The following FAM135B variants were observed in gnomAD, a reference collection of about 807,000 sequenced individuals.
FAM135B encodes family with sequence similarity 135 member B, also known as protein FAM135B.
FAM135B carries 43 observed loss-of-function variants against 127.7 expected under a neutral mutation model. The observed-to-expected ratio is 0.34, with a 90% CI of 0.26 to 0.43. FAM135B has a LOEUF of 0.43. Ranked by LOEUF, FAM135B falls within the 20% of genes least tolerant of loss-of-function variation. The probability of loss-of-function intolerance (pLI) is 1.00; values close to 1 mark genes in which losing one functional copy is unlikely to be tolerated. For missense variants in FAM135B, 1,558 were observed against 1,725.6 expected, an observed-to-expected ratio of 0.90 and a Z score of 1.72; for synonymous variants, 670 against 665.1, an observed-to-expected ratio of 1.01 and a Z score of -0.11.
At chr8:138,208,831 A>G (rs114892876) in intron 7 of FAM135B, among the ~76,000 whole-genome samples, 2,091 of 152,332 alleles carry the variant, frequency 0.014, 46 homozygotes, top group African/African-American at 0.048. Context: ...CTAGTAAATT[A>G]GTCAATTCTT....
At chr8:138,472,375 A>C (rs559751004) in intron 1 of FAM135B, among the ~76,000 whole-genome samples, 6 of 152,270 alleles carry the variant, frequency 3.9e-5, no homozygotes, top group African/African-American at 1.4e-4. Context: ...ATCTGGCCTT[A>C]GAAAGAGGTC....
chr8:138,320,408 CA>C (rs1320702091), intron 2 of FAM135B, among the ~76,000 whole-genome samples: 1 of 152,186 alleles, frequency 6.6e-6, no homozygotes, highest in African/African-American at 2.4e-5. Flanking sequence ...TTAGGGAAGG[CA>C]AAGCCAGGTG....
chr8:138,359,575 T>C (rs935119082), intron 2 of FAM135B, among the ~76,000 whole-genome samples: 3 of 152,216 alleles, frequency 2.0e-5, no homozygotes, highest in Non-Finnish European at 2.9e-5. Context: ...TCAATGCAGC[T>C]CTCAAATATT....
intron 1 of FAM135B, among the ~76,000 whole-genome samples, chr8:138,473,830 CAGAGAGAG>C (rs35738290): frequency 6.1e-5 from 9 of 148,320 alleles, no homozygotes; most frequent in African/African-American, 2.2e-4. Flanking sequence ...ATATGAGAGA[CAGAGAGAG>C]AGAGAGAGAG....
chr8:138,215,787 C>T (rs1818496423), intron 7 of FAM135B, among the ~76,000 whole-genome samples: 1 of 152,190 alleles, frequency 6.6e-6, no homozygotes, highest in African/African-American at 2.4e-5. Flanking sequence ...CACCCTCCTC[C>T]CACCCATGAA....
intron 2 of FAM135B, among the ~76,000 whole-genome samples, chr8:138,322,504 G>A (rs1452085189): frequency 2.6e-5 from 4 of 152,226 alleles, no homozygotes; most frequent in South Asian, 4.2e-4. Context: ...TCCTGTCCTC[G>A]GTCTTGTCCT....
At chr8:138,147,956 C>A (rs16908366) in intron 14 of FAM135B, among the ~76,000 whole-genome samples, 28,454 of 152,034 alleles carry the variant, frequency 0.19, 2,684 homozygotes, top group East Asian at 0.23. Context: ...CTAGCAAAGT[C>A]CCTGGTATAC....
intron 1 of FAM135B, among the ~76,000 whole-genome samples, chr8:138,442,415 T>C (rs554695357): frequency 5.9e-5 from 9 of 151,662 alleles, no homozygotes; most frequent in Non-Finnish European, 8.8e-5. Flanking sequence ...GTCAGGCACA[T>C]ACAACATCCT....
chr8:138,444,134 C>T (rs1192760267), intron 1 of FAM135B, among the ~76,000 whole-genome samples: 1 of 152,248 alleles, frequency 6.6e-6, no homozygotes, highest in South Asian at 2.1e-4. Flanking sequence ...AATACAGGAG[C>T]ACCCAGATTC....
chr8:138,383,362 C>T (rs1389549845), intron 1 of FAM135B, among the ~76,000 whole-genome samples: 1 of 152,192 alleles, frequency 6.6e-6, no homozygotes, highest in Non-Finnish European at 1.5e-5. Flanking sequence ...TAAAAACACA[C>T]ATATCTAGCA....
chr8:138,217,432 C>CTTTTTTTT (rs538347463), intron 7 of FAM135B, among the ~76,000 whole-genome samples: 2 of 129,268 alleles, frequency 1.5e-5, no homozygotes, highest in Admixed American at 8.3e-5. Context: ...TGATATATTT[C>CTTTTTTTT]TTTTTTTTTT....
intron 9 of FAM135B, among the ~76,000 whole-genome samples, chr8:138,184,021 T>A (rs988459225): frequency 6.6e-6 from 1 of 152,172 alleles, no homozygotes; most frequent in South Asian, 2.1e-4. Context: ...ATGGCTGGGA[T>A]GGAGCAAGGC....
chr8:138,348,379 C>T (rs1415716968), intron 2 of FAM135B, among the ~76,000 whole-genome samples: 1 of 152,086 alleles, frequency 6.6e-6, no homozygotes, highest in East Asian at 1.9e-4. Context: ...AGGTGATCCG[C>T]CCACCTCGGC....
intron 13 of FAM135B, 38 bp from the exon 14 acceptor site, chr8:138,148,724 T>C (rs749630636): frequency 1.3e-5 from 19 of 1,501,936 alleles, no homozygotes; most frequent in Non-Finnish European, 1.7e-5. Flanking sequence ...CCAAGCTGTG[T>C]ACTTCATGTT....
intron 3 of FAM135B, among the ~76,000 whole-genome samples, chr8:138,307,461 C>T (rs1447817137): frequency 6.6e-6 from 1 of 152,128 alleles, no homozygotes; most frequent in Non-Finnish European, 1.5e-5. Flanking sequence ...TATGAGGGCC[C>T]TCTGTCTCAC....
intron 1 of FAM135B, among the ~76,000 whole-genome samples, chr8:138,391,183 T>C (rs1034267356): frequency 8.7e-5 from 13 of 149,584 alleles, no homozygotes; most frequent in African/African-American, 3.2e-4. Flanking sequence ...CTGAGCTCCT[T>C]GTTTCTGGTC....
chr8:138,312,840 C>CT (rs1214933014), intron 2 of FAM135B, among the ~76,000 whole-genome samples: 1 of 152,098 alleles, frequency 6.6e-6, no homozygotes, highest in African/African-American at 2.4e-5. Context: ...AAGTGGAGAC[C>CT]ATGTGGGGAG....
At chr8:138,270,366 G>A (rs1236430038) in intron 3 of FAM135B, among the ~76,000 whole-genome samples, 1 of 152,202 alleles carries the variant, frequency 6.6e-6, no homozygotes, top group African/African-American at 2.4e-5. Context: ...GCTATCTTGA[G>A]AAAAGCTGGG....
chr8:138,199,301 G>A (rs1476023906), intron 7 of FAM135B, among the ~76,000 whole-genome samples: 1 of 152,208 alleles, frequency 6.6e-6, no homozygotes, highest in Non-Finnish European at 1.5e-5. Context: ...TTGGATAGAA[G>A]TCTCAGGCCT....
Sources: allele counts gnomAD v4.1 joint callset (sites outside exome capture counted in the v4.1 genomes callset), GRCh38; gene constraint gnomAD v4.1.1; transcripts MANE v1.5; gene names NCBI Gene and HGNC (gene_info 2026-07-23, HGNC 2026-07-21).